PRKN: variants seen among roughly 807,000 people sequenced by gnomAD.
The protein encoded by PRKN is E3 ubiquitin-protein ligase parkin.
Under a neutral mutation model 59.5 loss-of-function variants are expected in PRKN, and 56 were observed. That is an observed-to-expected ratio of 0.94 (90% CI 0.76 to 1.18). The LOEUF is 1.18. Ranked by LOEUF, PRKN falls within the 50% of genes most tolerant of loss-of-function variation. The pLI is 0.00. For synonymous variants in PRKN, 250 were observed against 222.1 expected, an observed-to-expected ratio of 1.13 and a Z score of -1.12; for missense variants, 657 against 596.4, an observed-to-expected ratio of 1.10 and a Z score of -1.06.
At chr6:162,491,430 G>A (rs1792810976) in intron 1 of PRKN, among the ~76,000 whole-genome samples, 1 of 152,220 alleles carries the variant, frequency 6.6e-6, no homozygotes, top group African/African-American at 2.4e-5. Flanking sequence ...AGACAGAGGT[G>A]ACGCACCAGG....
chr6:162,205,161 A>G (rs1274519801), intron 3 of PRKN, among the ~76,000 whole-genome samples: 1 of 152,032 alleles, frequency 6.6e-6, no homozygotes, highest in East Asian at 1.9e-4. Context: ...ACGCCCGGCC[A>G]AGTCCATCTT....
intron 2 of PRKN, among the ~76,000 whole-genome samples, chr6:162,291,469 C>T (rs1389735761): frequency 1.3e-5 from 2 of 152,226 alleles, no homozygotes; most frequent in East Asian, 3.9e-4. Flanking sequence ...CCCTCTGGTG[C>T]CACGTCCACC....
intron 4 of PRKN, among the ~76,000 whole-genome samples, chr6:162,087,755 A>C (rs1779311013): frequency 6.6e-6 from 1 of 151,676 alleles, no homozygotes; most frequent in Non-Finnish European, 1.5e-5. Flanking sequence ...CACCACGCCC[A>C]GCTAATTTTT....
intron 9 of PRKN, among the ~76,000 whole-genome samples, chr6:161,531,429 C>T (rs945427057): frequency 1.3e-5 from 2 of 151,956 alleles, no homozygotes; most frequent in African/African-American, 2.4e-5. Flanking sequence ...CCTACCCTCG[C>T]CCAGCAACAC....
intron 1 of PRKN, among the ~76,000 whole-genome samples, chr6:162,722,021 T>A (rs1235460846): frequency 6.6e-6 from 1 of 152,162 alleles, no homozygotes; most frequent in Non-Finnish European, 1.5e-5. Context: ...ATTACTCTTC[T>A]TCTGTGGTGG....
At position 161,593,994 on chromosome 6, in the gene PRKN, A is replaced by C. The variant is rs1244818477; in HGVS notation, c.872-24578T>G. Among the ~76,000 whole-genome samples, 2 of 151,680 alleles carry C rather than the reference A, an allele frequency of 1.3e-5. No individual in the cohort carries two copies. Among genetic ancestry groups the C allele is most frequent in the Admixed American group, 6.6e-5 (1 of 15,224 alleles). On this transcript the variant is annotated intron_variant, in intron 7 of 11. Coordinates refer to ENST00000366898, the MANE Select transcript of PRKN (RefSeq NM_004562.3). The surrounding 1 kb of genome is among the most constrained non-coding windows in gnomAD (Gnocchi z 4.8). ...GTGAAACCCCATCTCTACTAAAAAA[A>C]AAAAACAAAAAACAAAAACCCAGCA...
chr6:162,699,958 T>A (rs1778094982), intron 1 of PRKN, among the ~76,000 whole-genome samples: 2 of 152,168 alleles, frequency 1.3e-5, no homozygotes, highest in African/African-American at 4.8e-5. Context: ...ACACCACACC[T>A]AGAACCCTGA....
chr6:162,358,767 C>A (rs1027561969), intron 2 of PRKN, among the ~76,000 whole-genome samples: 4 of 151,940 alleles, frequency 2.6e-5, no homozygotes, highest in African/African-American at 9.7e-5. Context: ...TATCAGAAAT[C>A]ACCTTGTTTA....
chr6:161,876,396 C>T lies in PRKN; in HGVS notation c.735-90488G>A, dbSNP rs34464900. Among the ~76,000 whole-genome samples the T allele has an allele frequency of 1.5e-3, 233 of 152,246 alleles. 2 individuals carry two copies. The Middle Eastern group carries it at 0.02, about 13-fold the overall frequency. On this transcript the variant is annotated intron_variant, in intron 6 of 11. Coordinates refer to ENST00000366898, the MANE Select transcript of PRKN (RefSeq NM_004562.3). ...GCACAATGACAGCTCACTGAAGCCT[C>T]GACCTTCTGGGCTTAAGCAATCCCT...
At chr6:162,617,940 A>G (rs191173971) in intron 1 of PRKN, among the ~76,000 whole-genome samples, 2 of 152,240 alleles carry the variant, frequency 1.3e-5, no homozygotes, top group East Asian at 3.9e-4. Context: ...CAGTAACACA[A>G]GAATAATCAT....
At chr6:162,647,771 T>A (rs977554427) in intron 1 of PRKN, among the ~76,000 whole-genome samples, 1 of 151,964 alleles carries the variant, frequency 6.6e-6, no homozygotes, top group Non-Finnish European at 1.5e-5. Context: ...CTCAGTCTGA[T>A]CACAACCTCA....
intron 7 of PRKN, among the ~76,000 whole-genome samples, chr6:161,572,652 C>T (rs1461005914): frequency 7.0e-6 from 1 of 143,798 alleles, no homozygotes; most frequent in Non-Finnish European, 1.5e-5. Flanking sequence ...AACAGCAAGA[C>T]TCTGTCTCAA....
intron 1 of PRKN, among the ~76,000 whole-genome samples, chr6:162,500,039 C>A (rs1227264734): frequency 6.6e-6 from 1 of 152,104 alleles, no homozygotes; most frequent in African/African-American, 2.4e-5. Context: ...GGAAAGCCAT[C>A]CAATGGTTCA....
intron 2 of PRKN, among the ~76,000 whole-genome samples, chr6:162,327,577 T>C (rs1783353191): frequency 7.1e-6 from 1 of 140,296 alleles, no homozygotes; most frequent in Non-Finnish European, 1.6e-5. Flanking sequence ...TCCTTGACAA[T>C]GGTTTTCTCT....
intron 5 of PRKN, among the ~76,000 whole-genome samples, chr6:162,047,871 G>A (rs905204430): frequency 1.3e-5 from 2 of 150,558 alleles, no homozygotes; most frequent in Admixed American, 6.6e-5. Flanking sequence ...TCAAACTAAC[G>A]TTCCAGTTGG....
chr6:161,529,901 A>T lies in PRKN; in HGVS notation c.1083+18953T>A, dbSNP rs16892722. Among the ~76,000 whole-genome samples the T allele has an allele frequency of 0.072, 10,895 of 152,244 alleles. 517 individuals carry two copies. Among genetic ancestry groups the T allele is most frequent in the African/African-American group, 0.13 (5,443 of 41,524 alleles). On this transcript the variant is annotated intron_variant, in intron 9 of 11. Transcript: ENST00000366898. This position sits in a 1 kb window ranked among gnomAD's most constrained non-coding sequence, Gnocchi z 4.4. ...ACAAATTAATGTCAATCCTTGAGGG[A>T]CCAGTTCCTTTTCCACGGCATATAT...
At chr6:162,298,174 A>C (rs994934846) in intron 2 of PRKN, among the ~76,000 whole-genome samples, 1 of 150,500 alleles carries the variant, frequency 6.6e-6, no homozygotes, top group African/African-American at 2.4e-5. Flanking sequence ...CGGAGGGGAG[A>C]GAGAGAGAGA....
In PRKN at chr6:162,519,054, C is replaced by T. The variant is rs137864223; in HGVS notation, c.8-75581G>A. Among the ~76,000 whole-genome samples the T allele has an allele frequency of 9.9e-5, 15 of 152,180 alleles. No homozygotes were observed. In the East Asian group the frequency reaches 2.9e-3, roughly 29 times the overall value. ...GTGTGGTGACGCATGCCTGTAGTCCCAGCTACTTGGGAGGCTGAGGCAGGA... is the reference window on the plus strand; with the variant it reads ...GTGTGGTGACGCATGCCTGTAGTCCTAGCTACTTGGGAGGCTGAGGCAGGA... On this transcript the variant is annotated intron_variant, in intron 1 of 11. Coordinates refer to ENST00000366898, the MANE Select transcript of PRKN (RefSeq NM_004562.3).
intron 1 of PRKN, among the ~76,000 whole-genome samples, chr6:162,689,388 T>G (rs1013497178): frequency 1.3e-5 from 2 of 152,232 alleles, no homozygotes; most frequent in African/African-American, 4.8e-5. Context: ...CTGCTAGGTA[T>G]TCTTTACCTA....
Sources: allele counts gnomAD v4.1 joint callset (sites outside exome capture counted in the v4.1 genomes callset), GRCh38; gene constraint gnomAD v4.1.1; non-coding constraint Gnocchi (gnomAD v3.1); transcripts MANE v1.5; gene names NCBI Gene and HGNC (gene_info 2026-07-23, HGNC 2026-07-21).